ZNF836: variants seen among roughly 807,000 people sequenced by gnomAD.
ZNF836 encodes the protein zinc finger protein 836.
In ZNF836, 12 loss-of-function variants were observed where a neutral mutation model predicts 7.4. The ratio of observed to expected loss-of-function variants is 1.61; its 90% CI spans 1.03 to 2.61. ZNF836 has a LOEUF of 2.61. Ranked by LOEUF, ZNF836 falls within the 30% of genes most tolerant of loss-of-function variation. The pLI is 0.00. For synonymous variants in ZNF836, 365 were observed against 382.6 expected, an observed-to-expected ratio of 0.95 and a Z score of 0.54; for missense variants, 998 against 1,126.2, an observed-to-expected ratio of 0.89 and a Z score of 1.63.
intron 3 of ZNF836, among the ~76,000 whole-genome samples, chr19:52,164,404 A>G (rs1258697101): frequency 3.3e-5 from 5 of 149,650 alleles, no homozygotes; most frequent in Non-Finnish European, 5.9e-5. Flanking sequence ...AAAAAAAAAA[A>G]AGAGAAAGAA....
Position 52,164,226 on chromosome 19 carries a change from T to C in ZNF836, c.16-3635A>G, listed in dbSNP as rs139195926. On this transcript the variant is annotated intron_variant, in intron 3 of 4. Transcript: ENST00000682614. ...GGCTAACATGGTGAAATCCCGTTTC[T>C]ACTAAAAATATAAAAAATTAGCCAG... Among the ~76,000 whole-genome samples the C allele has an allele frequency of 8.8e-3, 1,343 of 151,988 alleles. 18 individuals are homozygous for C. Among genetic ancestry groups the C allele is most frequent in the African/African-American group, 0.03 (1,229 of 41,442 alleles).
intron 2 of ZNF836, among the ~76,000 whole-genome samples, chr19:52,169,372 G>A (rs575996674): frequency 6.6e-6 from 1 of 152,266 alleles, no homozygotes; most frequent in Admixed American, 6.5e-5. Flanking sequence ...CTGAGGTTGG[G>A]AGTTCAAGAC....
In ZNF836 at chr19:52,157,444, C is replaced by T. The variant is rs776769191; in HGVS notation, c.239G>A (p.Cys80Tyr). The T allele has an allele frequency of 1.2e-5, 19 of 1,605,032 alleles. No individual in the cohort carries two copies. The highest frequency in any genetic ancestry group is 6.9e-5 in the Admixed American group (4 of 57,588). Reference protein sequence around the residue: ...CQTVTLERHECYDVENFYLRE... With the variant: ...CQTVTLERHEYYDVENFYLRE... ...TAAGTAAAAATTTTCAACATCATAACATTCATGTCTTTCCAGCGTCACTGT... is the reference window on the plus strand; with the variant it reads ...TAAGTAAAAATTTTCAACATCATAATATTCATGTCTTTCCAGCGTCACTGT... Residue 80 changes from cysteine to tyrosine, a missense_variant, in exon 5 of 5, where the codon TGT becomes TAT. Cys to Tyr is a radical substitution (Grantham distance 194). Coordinates refer to ENST00000682614, the MANE Select transcript of ZNF836 (RefSeq NM_001102657.3).
At position 52,171,566 on chromosome 19, in the gene ZNF836, C is replaced by G. The variant is rs2089308590; in HGVS notation, c.-445G>C. The G allele has an allele frequency of 6.6e-6, 1 of 152,260 alleles. No homozygotes were observed. The highest frequency in any genetic ancestry group is 1.5e-5 in the Non-Finnish European group (1 of 68,112). The allele number at this position is 152,260 out of a possible 1,614,324, so 9.4% of individuals were successfully genotyped here. A position where few individuals can be genotyped will look rare whatever the true frequency, so the allele number is the denominator to read the frequency against. On this transcript the variant is annotated 5_prime_UTR_variant, in exon 1 of 5. Coordinates refer to ENST00000682614, the MANE Select transcript of ZNF836 (RefSeq NM_001102657.3). Reference sequence around the variant, plus strand: ...GCCCTGAGAAAAAAGACTGAGAGACCTGGGGCGGGAGAGGGGCCTGGGCGG... The same window carrying G: ...GCCCTGAGAAAAAAGACTGAGAGACGTGGGGCGGGAGAGGGGCCTGGGCGG...
intron 3 of ZNF836, among the ~76,000 whole-genome samples, chr19:52,164,031 AGAAG>A (rs1042875086): frequency 3.9e-4 from 56 of 143,764 alleles, no homozygotes; most frequent in East Asian, 7.0e-4. Flanking sequence ...GAAAAGAAAA[AGAAG>A]GAAGGAAGGA....
intron 3 of ZNF836, among the ~76,000 whole-genome samples, chr19:52,162,278 A>C (rs1434738675): frequency 6.6e-6 from 1 of 152,156 alleles, no homozygotes; most frequent in African/African-American, 2.4e-5. Flanking sequence ...GACTCTCTGA[A>C]GTTGGCCCCA....
chr19:52,160,425 C>T lies in ZNF836; in HGVS notation c.142+40G>A, dbSNP rs116344808. ...ACAACAGAGAAAATACAAAAATACA[C>T]GAGGGCAGATCTTAACTTCTAGAGC... On this transcript the variant is annotated intron_variant, in intron 4 of 4. Transcript: ENST00000682614. 2,168 of 1,613,534 alleles carry T rather than the reference C, an allele frequency of 1.3e-3. 20 individuals carry two copies. The African/African-American group carries it at 0.026, about 19-fold the overall frequency.
intron 2 of ZNF836, among the ~76,000 whole-genome samples, 192 bp downstream of exon 2, chr19:52,169,456 G>C (rs2122234307): frequency 6.6e-6 from 1 of 152,224 alleles, no homozygotes; most frequent in South Asian, 2.1e-4. Flanking sequence ...GCACATGCCT[G>C]TAATCCCAGG....
At position 52,154,996 on chromosome 19, in the gene ZNF836, C is replaced by T. The variant is rs772884132; in HGVS notation, c.2687G>A (p.Gly896Asp). ...GCCTGAGCGACTAATGAAAGATTTG[C>T]CACACTCATTACATTTATAAGGTTT... ...GEKPYKCNEC[G>D]KSFISRSGLT... is the part of the protein sequence containing the mutation. Residue 896 changes from glycine (G) to aspartate (D), a missense_variant, in exon 5 of 5, where the codon GGC becomes GAC. Transcript: ENST00000682614. 1 of 1,612,786 alleles carries T rather than the reference C, an allele frequency of 6.2e-7. No homozygotes were observed. The highest frequency in any genetic ancestry group is 1.1e-5 in the South Asian group (1 of 90,888).
chr19:52,160,501 C>T lies in ZNF836; in HGVS notation c.106G>A (p.Val36Met), dbSNP rs756500947. The T allele has an allele frequency of 3.1e-6, 5 of 1,614,198 alleles. No homozygotes were observed. Among genetic ancestry groups the T allele is most frequent in the Admixed American group, 3.3e-5 (2 of 60,030 alleles). ...DPVQKALYWD[V>M]MLENYRNLVF... Reference sequence around the variant, plus strand: ...AGGTTCCTGTAGTTCTCCAACATCACATCCCAGTACAAAGCTTTCTGCACA... The same window carrying T: ...AGGTTCCTGTAGTTCTCCAACATCATATCCCAGTACAAAGCTTTCTGCACA... The change falls in exon 4 of 5, where the codon GTG (valine) becomes ATG (methionine). Residue 36 changes from valine to methionine, a missense_variant. Physicochemically the swap from Val to Met is conservative, Grantham distance 21 (BLOSUM62 1). Transcript: ENST00000682614.
chr19:52,169,337 T>C (rs925861360), intron 2 of ZNF836, among the ~76,000 whole-genome samples: 4 of 152,182 alleles, frequency 2.6e-5, no homozygotes, highest in East Asian at 1.9e-4. Flanking sequence ...CCCAGTACTT[T>C]AGGAGGCCGA....
At chr19:52,158,605 T>C (rs1306204515) in intron 4 of ZNF836, among the ~76,000 whole-genome samples, 1 of 151,886 alleles carries the variant, frequency 6.6e-6, no homozygotes, top group Non-Finnish European at 1.5e-5. Context: ...TAGCCAGGCA[T>C]GGTGGTGTGC....
At chr19:52,162,540 G>A (rs559034683) in intron 3 of ZNF836, among the ~76,000 whole-genome samples, 1 of 152,328 alleles carries the variant, frequency 6.6e-6, no homozygotes, top group African/African-American at 2.4e-5. Context: ...GGGTGAACGC[G>A]GGAATAAAAG....
At chr19:52,159,504 G>C (rs1171758341) in intron 4 of ZNF836, among the ~76,000 whole-genome samples, 1 of 152,148 alleles carries the variant, frequency 6.6e-6, no homozygotes, top group African/African-American at 2.4e-5. Context: ...CCAAGAGTGT[G>C]GAAAGAAATA....
At position 52,156,110 on chromosome 19, in the gene ZNF836, GTT is replaced by G; in HGVS notation, c.1571_1572del (p.Lys524ThrfsTer6). The G allele has an allele frequency of 6.2e-7, 1 of 1,614,024 alleles. No homozygotes were observed. The highest frequency in any genetic ancestry group is 1.1e-5 in the South Asian group (1 of 91,082). ...TRHKIIHTREKRYQCGECGKV... is the reference protein window; with the variant it reads ...TRHKIIHTREXRYQCGECGKV... ...TTTCCACATTCACCGCATTGGTAAC[GTT>G]TCTCTCTGGTATGAATTATCTTATG... On this transcript the variant is annotated frameshift_variant, in exon 5 of 5. Coordinates refer to ENST00000682614, the MANE Select transcript of ZNF836 (RefSeq NM_001102657.3). LOFTEE classifies it low-confidence loss of function (END_TRUNC).
intron 4 of ZNF836, among the ~76,000 whole-genome samples, chr19:52,159,389 C>T (rs960552930): frequency 1.3e-5 from 2 of 152,100 alleles, no homozygotes; most frequent in Non-Finnish European, 2.9e-5. Flanking sequence ...TATCTACACC[C>T]AAATTACGAA....
rs749374043 is a variant in ZNF836, at chr19:52,157,163, T to C, written c.520A>G (p.Ser174Gly). The C allele has an allele frequency of 1.2e-5, 20 of 1,612,772 alleles. No homozygotes were observed. The highest frequency in any genetic ancestry group is 1.7e-5 in the Admixed American group (1 of 59,888). The stretch of plus-strand genomic sequence containing the variant: ...CTTTGAAGTGGTGAAACTAGGGAAC[T>C]GTTATTAACTGTCTTCTCAGATTGG... Reference protein sequence around the residue: ...CNQSEKTVNNSSLVSPLQRIL... With the variant: ...CNQSEKTVNNGSLVSPLQRIL... The change falls in exon 5 of 5, where the codon AGT (serine) becomes GGT (glycine). Residue 174 changes from serine to glycine, a missense_variant. Coordinates refer to ENST00000682614, the MANE Select transcript of ZNF836 (RefSeq NM_001102657.3).
intron 4 of ZNF836, chr19:52,160,213 T>C (rs2089200863): frequency 3.7e-6 from 2 of 534,030 alleles, no homozygotes; most frequent in African/African-American, 2.0e-5. Context: ...AAAAGTACCA[T>C]TATACTGACT....
rs1016670727 is a variant in ZNF836, at chr19:52,154,348, C to T, written c.*524G>A. Among the ~76,000 whole-genome samples the T allele has an allele frequency of 1.4e-4, 21 of 152,080 alleles. No homozygotes were observed. The highest frequency in any genetic ancestry group is 4.6e-4 in the African/African-American group (19 of 41,400). On this transcript the variant is annotated 3_prime_UTR_variant, in exon 5 of 5. Coordinates refer to ENST00000682614, the MANE Select transcript of ZNF836 (RefSeq NM_001102657.3). ...TACAGGCATGACCCACCATGCCTAA[C>T]GTGCCATACACTTTTAACCAACAAG...
Sources: gnomAD v4.1 joint callset for allele counts (sites outside exome capture counted in the v4.1 genomes callset) on GRCh38, gnomAD v4.1.1 for gene constraint, MANE v1.5 for transcripts, NCBI Gene and HGNC (gene_info 2026-07-23, HGNC 2026-07-21) for gene names.